CNTNAP2: variants seen among roughly 807,000 people sequenced by gnomAD.
CNTNAP2 encodes contactin-associated protein-like 2.
CNTNAP2 carries 98 observed loss-of-function variants against 155.2 expected under a neutral mutation model. The ratio of observed to expected loss-of-function variants is 0.63; its 90% CI spans 0.54 to 0.75. The LOEUF (loss-of-function observed/expected upper bound fraction) is 0.75, where lower values mean the gene tolerates loss of function less well. CNTNAP2 is among the 30% of genes least tolerant of loss of function. CNTNAP2 has a pLI of 0.00. For missense variants in CNTNAP2, 1,727 were observed against 1,688.1 expected (o/e 1.02, Z -0.40); for synonymous variants, 651 against 631.2 (o/e 1.03, Z -0.47).
intron 8 of CNTNAP2, among the ~76,000 whole-genome samples, chr7:147,238,066 G>C (rs1288765157): frequency 1.3e-5 from 2 of 152,196 alleles, no homozygotes; most frequent in East Asian, 1.9e-4. Flanking sequence ...CCAGGCTGGA[G>C]TGCAGTGGCG....
At chr7:147,177,362 A>G (rs1276798399) in intron 8 of CNTNAP2, among the ~76,000 whole-genome samples, 3 of 152,038 alleles carry the variant, frequency 2.0e-5, no homozygotes, top group Non-Finnish European at 4.4e-5. Context: ...ATGGTTTTGT[A>G]AGGGGCTTCC....
intron 1 of CNTNAP2, among the ~76,000 whole-genome samples, chr7:146,231,088 G>A (rs1355827163): frequency 6.6e-6 from 1 of 151,356 alleles, no homozygotes; most frequent in African/African-American, 2.4e-5. Flanking sequence ...AATAATACCT[G>A]GAACCTTATA....
intron 1 of CNTNAP2, among the ~76,000 whole-genome samples, chr7:146,432,042 A>G (rs1025155119): frequency 2.0e-5 from 3 of 152,104 alleles, no homozygotes; most frequent in Non-Finnish European, 4.4e-5. Context: ...GTCATTAAGA[A>G]CAAGAAATCC....
At chr7:146,833,021 A>G (rs1488724071) in intron 2 of CNTNAP2, among the ~76,000 whole-genome samples, 1 of 152,064 alleles carries the variant, frequency 6.6e-6, no homozygotes, top group Non-Finnish European at 1.5e-5. Context: ...TTCTTAGATT[A>G]TATATAATTG....
At chr7:147,773,989 A>T (rs1797516796) in intron 13 of CNTNAP2, among the ~76,000 whole-genome samples, 1 of 151,708 alleles carries the variant, frequency 6.6e-6, no homozygotes. Context: ...CCACTTCCCT[A>T]CCTCAGCCTC....
chr7:146,717,043 T>G (rs1415151611), intron 1 of CNTNAP2, among the ~76,000 whole-genome samples: 1 of 151,526 alleles, frequency 6.6e-6, no homozygotes, highest in Non-Finnish European at 1.5e-5. Context: ...TAACTGGTTG[T>G]GAAATTGCCT....
At chr7:147,351,194 T>C (rs1795962827) in intron 9 of CNTNAP2, among the ~76,000 whole-genome samples, 1 of 151,846 alleles carries the variant, frequency 6.6e-6, no homozygotes, top group Non-Finnish European at 1.5e-5. Context: ...TACAATATAT[T>C]AAGCCCTGAT....
intron 11 of CNTNAP2, among the ~76,000 whole-genome samples, chr7:147,503,827 C>G (rs1401955868): frequency 6.6e-6 from 1 of 152,002 alleles, no homozygotes; most frequent in Non-Finnish European, 1.5e-5. Context: ...GTTAACTATT[C>G]TGTCTCTCTT....
chr7:147,059,028 GCTTAGCAATCCCAAACAAAC>G (rs1406850267), intron 4 of CNTNAP2, among the ~76,000 whole-genome samples: 19 of 152,100 alleles, frequency 1.2e-4, no homozygotes, highest in Non-Finnish European at 2.5e-4. Flanking sequence ...TTGGTGATGT[GCTTAGCAATCCCAAACAAAC>G]CTTTCCAATT....
chr7:147,954,332 G>A (rs1216820888), intron 14 of CNTNAP2, among the ~76,000 whole-genome samples: 1 of 152,028 alleles, frequency 6.6e-6, no homozygotes, highest in African/African-American at 2.4e-5. Flanking sequence ...ATTGCAGGAA[G>A]CAGCTCACAA....
chr7:147,075,461 C>T (rs887577557), intron 4 of CNTNAP2, among the ~76,000 whole-genome samples: 1 of 152,038 alleles, frequency 6.6e-6, no homozygotes, highest in Non-Finnish European at 1.5e-5. Flanking sequence ...AGCACGAAAG[C>T]TTTATTATAA....
intron 1 of CNTNAP2, among the ~76,000 whole-genome samples, chr7:146,558,241 A>C (rs1798225518): frequency 6.6e-6 from 1 of 152,136 alleles, no homozygotes; most frequent in African/African-American, 2.4e-5. Flanking sequence ...TGTGCACATG[A>C]CAGAGGCCCC....
At chr7:146,865,558 T>G (rs1795188400) in intron 3 of CNTNAP2, among the ~76,000 whole-genome samples, 1 of 152,156 alleles carries the variant, frequency 6.6e-6, no homozygotes, top group Non-Finnish European at 1.5e-5. Flanking sequence ...AAGAGAATAG[T>G]CTTTTCAACA....
chr7:147,006,758 C>T (rs1300476004), intron 3 of CNTNAP2, among the ~76,000 whole-genome samples: 1 of 152,044 alleles, frequency 6.6e-6, no homozygotes, highest in Non-Finnish European at 1.5e-5. Context: ...GAACATGAGG[C>T]TCCTGTCATT....
chr7:146,343,842 A>T (rs73162157), intron 1 of CNTNAP2, among the ~76,000 whole-genome samples: 12,612 of 152,034 alleles, frequency 0.083, 1,119 homozygotes, highest in African/African-American at 0.22. Context: ...TCTATATATA[A>T]TTGGTAAATG....
At chr7:147,559,524 A>C (rs936265211) in intron 11 of CNTNAP2, among the ~76,000 whole-genome samples, 3 of 152,256 alleles carry the variant, frequency 2.0e-5, no homozygotes, top group African/African-American at 7.2e-5. Flanking sequence ...AGAACAACCA[A>C]TGAATAAGGT....
At chr7:146,409,537 TTAAA>T (rs1795837824) in intron 1 of CNTNAP2, among the ~76,000 whole-genome samples, 2 of 152,158 alleles carry the variant, frequency 1.3e-5, no homozygotes, top group Admixed American at 1.3e-4. Flanking sequence ...ATCTTGTCCT[TTAAA>T]TATCAGATAT....
intron 1 of CNTNAP2, among the ~76,000 whole-genome samples, chr7:146,238,112 T>C (rs1437350817): frequency 6.6e-6 from 1 of 152,224 alleles, no homozygotes; most frequent in Non-Finnish European, 1.5e-5. Context: ...TCTGGCATGA[T>C]AAAGATCCTA....
intron 1 of CNTNAP2, among the ~76,000 whole-genome samples, chr7:146,670,055 G>A (rs139441091): frequency 0.012 from 1,796 of 152,228 alleles, 21 homozygotes; most frequent in Middle Eastern, 0.054. Context: ...ATAAAGGCCC[G>A]CTGTCTGTCC....
Sources: allele counts gnomAD v4.1 joint callset (sites outside exome capture counted in the v4.1 genomes callset), GRCh38; gene constraint gnomAD v4.1.1; transcripts MANE v1.5; gene names NCBI Gene and HGNC (gene_info 2026-07-23, HGNC 2026-07-21).